Variants in KCNH1 observed in about 807,000 individuals in gnomAD.
The protein encoded by KCNH1 is potassium voltage-gated channel subfamily H member 1.
Under a neutral mutation model 69.2 loss-of-function variants are expected in KCNH1, and 27 were observed. That is an observed-to-expected ratio of 0.39 (90% CI 0.29 to 0.54). KCNH1 has a LOEUF of 0.54. Among genes scored for constraint, KCNH1 ranks in the 20% least tolerant of loss-of-function variants. The pLI is 0.68. For missense variants in KCNH1, 798 were observed against 1,261.6 expected (o/e 0.63, Z 5.57); for synonymous variants, 456 against 487.7 (o/e 0.93, Z 0.86).
At chr1:210,698,666 T>C (rs1228732331) in intron 10 of KCNH1, among the ~76,000 whole-genome samples, 3 of 152,206 alleles carry the variant, frequency 2.0e-5, no homozygotes, top group Admixed American at 2.0e-4. Context: ...TGCTGGGCTC[T>C]CCTGTGTACT....
intron 7 of KCNH1, among the ~76,000 whole-genome samples, chr1:210,824,622 A>G (rs1408016914): frequency 6.6e-6 from 1 of 152,208 alleles, no homozygotes; most frequent in Non-Finnish European, 1.5e-5. Flanking sequence ...AAGTATATGA[A>G]GAAAATCCAG....
Position 210,704,316 on chromosome 1 carries a change from GC to G in KCNH1, c.2113-20179del, listed in dbSNP as rs1367686273. On this transcript the variant is annotated intron_variant, in intron 10 of 10. Transcript: ENST00000271751. ...ATCAACCTCATTTCTAATAACAATCGCCACGCCTAGAAGATTAGTAGGCCTA... is the reference window on the plus strand; with the variant it reads ...ATCAACCTCATTTCTAATAACAATCGCACGCCTAGAAGATTAGTAGGCCTA... Among the ~76,000 whole-genome samples the G allele has an allele frequency of 3.9e-5, 6 of 152,068 alleles. No individual in the cohort carries two copies. In the East Asian group the frequency reaches 9.7e-4, roughly 25 times the overall value.
intron 7 of KCNH1, among the ~76,000 whole-genome samples, chr1:210,864,013 G>A (rs543023964): frequency 6.6e-6 from 1 of 152,328 alleles, no homozygotes; most frequent in South Asian, 2.1e-4. Flanking sequence ...GTGCCAACTG[G>A]ATCAGTGCAG....
intron 10 of KCNH1, among the ~76,000 whole-genome samples, chr1:210,757,690 T>C (rs944390992): frequency 2.6e-5 from 4 of 152,254 alleles, no homozygotes; most frequent in African/African-American, 9.6e-5. Flanking sequence ...TTATGCTACC[T>C]CAGTGGTACC....
Position 210,683,949 on chromosome 1 carries a change from TCTC to T in KCNH1, c.2299_2301del (p.Glu767del). 7 of 1,606,876 alleles carry T rather than the reference TCTC, an allele frequency of 4.4e-6. No homozygotes were observed. Among genetic ancestry groups the T allele is most frequent in the Non-Finnish European group, 6.0e-6 (7 of 1,174,094 alleles). ...GCATGCTCTGTAAGGACATTGCCCTTCTCCACATCTAGGTCATCCAGGTCCCGG... is the reference window on the plus strand; with the variant it reads ...GCATGCTCTGTAAGGACATTGCCCTTCACATCTAGGTCATCCAGGTCCCGG... On this transcript the variant is annotated inframe_deletion, in exon 11 of 11. Transcript: ENST00000271751. The surrounding 1 kb of genome is among the most constrained non-coding windows in gnomAD (Gnocchi z 5.7).
chr1:210,861,960 C>T (rs781543561), intron 7 of KCNH1: 3 of 760,090 alleles, frequency 3.9e-6, no homozygotes, highest in Non-Finnish European at 7.3e-6. Flanking sequence ...ATGTAGTAAG[C>T]TGTACCCTGA....
chr1:210,721,460 G>A (rs1167835177), intron 10 of KCNH1, among the ~76,000 whole-genome samples: 1 of 152,116 alleles, frequency 6.6e-6, no homozygotes, highest in African/African-American at 2.4e-5. Context: ...TTCTTTTGAG[G>A]TATTTTTGCA....
chr1:211,123,991 C>T (rs1271494603), intron 1 of KCNH1, among the ~76,000 whole-genome samples: 1 of 152,154 alleles, frequency 6.6e-6, no homozygotes, highest in East Asian at 1.9e-4. Flanking sequence ...TCAATGAAGT[C>T]AGGCTGGAGC....
intron 10 of KCNH1, among the ~76,000 whole-genome samples, chr1:210,705,433 C>CCAAA (rs959058830): frequency 8.5e-5 from 13 of 152,160 alleles, no homozygotes; most frequent in African/African-American, 3.1e-4. Flanking sequence ...TTTAGGCTAA[C>CCAAA]CAAACAGCAT....
intron 7 of KCNH1, among the ~76,000 whole-genome samples, chr1:210,869,681 T>C (rs1185843796): frequency 2.0e-5 from 3 of 152,116 alleles, no homozygotes; most frequent in Non-Finnish European, 4.4e-5. Context: ...TTTTAGGCTT[T>C]ATTAAAACTT....
intron 6 of KCNH1, among the ~76,000 whole-genome samples, chr1:210,938,549 CT>C (rs1305374744): frequency 6.6e-6 from 1 of 152,204 alleles, no homozygotes; most frequent in Non-Finnish European, 1.5e-5. Context: ...AAATGAGACT[CT>C]TCGTAATTTG....
intron 7 of KCNH1, among the ~76,000 whole-genome samples, chr1:210,894,783 C>A (rs906117266): frequency 2.0e-5 from 3 of 152,192 alleles, no homozygotes; most frequent in African/African-American, 4.8e-5. Context: ...AAGGCCCTAA[C>A]AAGATGCCAG....
intron 5 of KCNH1, among the ~76,000 whole-genome samples, chr1:211,025,104 T>A (rs761152688): frequency 2.0e-5 from 3 of 152,106 alleles, no homozygotes; most frequent in Admixed American, 2.0e-4. Flanking sequence ...ATGGGTTTCA[T>A]CCACATTAGT....
intron 7 of KCNH1, among the ~76,000 whole-genome samples, chr1:210,894,443 G>A (rs530113208): frequency 1.3e-5 from 2 of 152,086 alleles, no homozygotes; most frequent in South Asian, 2.1e-4. Context: ...AATCCTTTTG[G>A]GTCATTCTTC....
At chr1:211,043,033 G>A (rs1358372686) in intron 5 of KCNH1, among the ~76,000 whole-genome samples, 1 of 151,962 alleles carries the variant, frequency 6.6e-6, no homozygotes, top group East Asian at 1.9e-4. Flanking sequence ...ACAAGCTAAG[G>A]TCACACCTCA....
chr1:210,917,229 G>GAGAGAGAAAGAAAGAAAGAA (rs1430374011), intron 7 of KCNH1, among the ~76,000 whole-genome samples: 4 of 78,868 alleles, frequency 5.1e-5, no homozygotes, highest in East Asian at 7.9e-4. Context: ...GAGAGAGAGA[G>GAGAGAGAAAGAAAGAAAGAA]AGAAAGAAAG....
chr1:210,971,526 T>C (rs1688511698), intron 6 of KCNH1, among the ~76,000 whole-genome samples: 1 of 152,198 alleles, frequency 6.6e-6, no homozygotes, highest in Non-Finnish European at 1.5e-5. Context: ...CCTCCTATTT[T>C]ACTGCATTTT....
intron 7 of KCNH1, among the ~76,000 whole-genome samples, chr1:210,833,316 G>T (rs1385124469): frequency 6.6e-6 from 1 of 152,112 alleles, no homozygotes; most frequent in Non-Finnish European, 1.5e-5. Flanking sequence ...ATACAGCATG[G>T]TACTGGTATC....
At chr1:210,997,649 G>A (rs570927755) in intron 6 of KCNH1, among the ~76,000 whole-genome samples, 1 of 152,228 alleles carries the variant, frequency 6.6e-6, no homozygotes, top group East Asian at 1.9e-4. Flanking sequence ...GCAGATTCAG[G>A]AAATACAGGG....
Sources: allele counts gnomAD v4.1 joint callset (sites outside exome capture counted in the v4.1 genomes callset), GRCh38; gene constraint gnomAD v4.1.1; non-coding constraint Gnocchi (gnomAD v3.1); transcripts MANE v1.5; gene names NCBI Gene and HGNC (gene_info 2026-07-23, HGNC 2026-07-21).